The following TACO1 variants were observed in gnomAD, a reference collection of about 807,000 sequenced individuals.
TACO1 encodes the protein translational activator of cytochrome c oxidase I.
A neutral mutation model predicts 24.0 loss-of-function variants in TACO1; 13 were observed. That is an observed-to-expected ratio of 0.54 (90% CI 0.35 to 0.86). The LOEUF (loss-of-function observed/expected upper bound fraction) is 0.86, where lower values mean the gene tolerates loss of function less well. Ranked by LOEUF, TACO1 falls within the 40% of genes least tolerant of loss-of-function variation. TACO1 has a pLI of 0.01. For missense variants in TACO1, 352 were observed against 380.1 expected, an observed-to-expected ratio of 0.93 and a Z score of 0.61; for synonymous variants, 149 against 153.5, an observed-to-expected ratio of 0.97 and a Z score of 0.22.
Position 63,607,856 on chromosome 17 carries a change from G to T in TACO1, c.748G>T (p.Gly250Cys). 6.2e-7 allele frequency: 1 copy of T among 1,614,094 alleles called. No individual in the cohort carries two copies. The highest frequency in any genetic ancestry group is 8.5e-7 in the Non-Finnish European group (1 of 1,180,032). ...HQVRKKLDSL[G>C]LCSVSCALEF... ...AGTGAGGAAGAAGCTGGACTCCCTG[G>T]GCCTGTGTTCTGTGTCCTGTGCACT... The change falls in exon 5 of 5, where the codon GGC becomes TGC. Residue 250 changes from glycine to cysteine, a missense_variant. Physicochemically the swap from Gly to Cys is radical, Grantham distance 159 (BLOSUM62 -3). Transcript: ENST00000258975.
chr17:63,607,330 G>T lies in TACO1; in HGVS notation c.559G>T (p.Gly187Trp), dbSNP rs750709629. 18 of 1,614,080 alleles carry T rather than the reference G, an allele frequency of 1.1e-5. No individual in the cohort carries two copies. The highest frequency in any genetic ancestry group is 2.7e-5 in the African/African-American group (2 of 74,932). ...AGCTCGTCACTCTTTTGACAAAAAG[G>T]GGGTGATTGTGGTTGAAGTGGAGGA... ...VGARHSFDKKGVIVVEVEDRE... is the reference protein window; with the variant it reads ...VGARHSFDKKWVIVVEVEDRE... Residue 187 changes from glycine to tryptophan, a missense_variant, in exon 4 of 5, where the codon GGG becomes TGG. Coordinates refer to ENST00000258975, the MANE Select transcript of TACO1 (RefSeq NM_016360.4).
rs1468443938 is a variant in TACO1, at chr17:63,601,170, G to A, written c.87G>A (p.Pro29=). 6.5e-7 allele frequency: 1 copy of A among 1,546,692 alleles called. No individual in the cohort carries two copies. The highest frequency in any genetic ancestry group is 2.0e-5 in the Admixed American group (1 of 50,950). ...ARGPGVRAAP[P]RDPRPSHPEP... ...GCCCCGGGGTCAGGGCGGCTCCTCC[G>A]CGCGACCCCCGGCCCTCCCACCCCG... Residue 29 remains proline, a synonymous_variant, in exon 1 of 5, where the codon CCG becomes CCA. Coordinates refer to ENST00000258975, the MANE Select transcript of TACO1 (RefSeq NM_016360.4).
intron 1 of TACO1, among the ~76,000 whole-genome samples, chr17:63,603,727 C>A (rs547892125): frequency 1.4e-5 from 2 of 146,994 alleles, no homozygotes; most frequent in African/African-American, 2.6e-5. Context: ...AAAAAAAGGT[C>A]TTTTCTGGCC....
intron 2 of TACO1, 54 bp downstream of exon 2, chr17:63,604,694 T>A: frequency 2.0e-6 from 3 of 1,496,800 alleles, no homozygotes; most frequent in East Asian, 4.5e-5. Context: ...CGGGCTCATG[T>A]CTGGATGGCC....
At position 63,607,827 on chromosome 17, in the gene TACO1, A is replaced by T; in HGVS notation, c.719A>T (p.His240Leu). 1 of 1,614,088 alleles carries T rather than the reference A, an allele frequency of 6.2e-7. No individual in the cohort carries two copies. The highest frequency in any genetic ancestry group is 8.5e-7 in the Non-Finnish European group (1 of 1,180,024). ...TTTATTTGTGATGCCTCTTCACTGCACCAAGTGAGGAAGAAGCTGGACTCC... is the reference window on the plus strand; with the variant it reads ...TTTATTTGTGATGCCTCTTCACTGCTCCAAGTGAGGAAGAAGCTGGACTCC... Reference protein sequence around the residue: ...FKFICDASSLHQVRKKLDSLG... With the variant: ...FKFICDASSLLQVRKKLDSLG... Residue 240 changes from histidine to leucine, a missense_variant, in exon 5 of 5, where the codon CAC (histidine) becomes CTC (leucine). Physicochemically the swap from His to Leu is moderately conservative, Grantham distance 99 (BLOSUM62 -3). Transcript: ENST00000258975.
At chr17:63,604,876 G>A (rs937194265) in intron 2 of TACO1, among the ~76,000 whole-genome samples, 4 of 152,086 alleles carry the variant, frequency 2.6e-5, no homozygotes, top group Non-Finnish European at 5.9e-5. Flanking sequence ...TTAGCTGGGC[G>A]TGGTGGCATA....
chr17:63,606,339 T>G lies in TACO1; in HGVS notation c.414T>G (p.Tyr138Ter). Residue 138 changes from tyrosine (Y) to a stop codon, truncating the protein, a stop_gained, in exon 3 of 5, where the codon TAT (tyrosine) becomes TAG (stop). Transcript: ENST00000258975. LOFTEE classifies it high-confidence loss of function. ...MEKSKDTYLLYEGRGPGGSSL... is the reference protein window; with the variant it reads ...MEKSKDTYLL The stretch of plus-strand genomic sequence containing the variant: ...AATCCAAGGACACTTATTTGCTGTA[T>G]GAGGGTCGAGGCCCTGGTGGCTCTT... 1.2e-6 allele frequency: 2 copies of G among 1,613,940 alleles called. No homozygotes were observed. Among genetic ancestry groups the G allele is most frequent in the Non-Finnish European group, 1.7e-6 (2 of 1,180,048 alleles).
chr17:63,604,443 G>T, intron 1 of TACO1, 91 bp from the exon 2 acceptor site: 1 of 1,095,376 alleles, frequency 9.1e-7, no homozygotes, highest in Non-Finnish European at 1.4e-6. Context: ...CCACTCCTTT[G>T]GCTTGGTGGG....
Position 63,607,936 on chromosome 17 carries a change from C to T in TACO1, c.828C>T (p.Ala276=), listed in dbSNP as rs748925374. ...VQLAEPDLEQ[A]AHLIQALSNH... is the part of the protein sequence containing the mutation. Reference sequence around the variant, plus strand: ...TGGCTGAGCCCGACCTGGAACAGGCCGCACATCTCATTCAGGCTCTCAGCA... The same window carrying T: ...TGGCTGAGCCCGACCTGGAACAGGCTGCACATCTCATTCAGGCTCTCAGCA... The change falls in exon 5 of 5, where the codon GCC becomes GCT. Residue 276 remains alanine, a synonymous_variant. Transcript: ENST00000258975. 6.8e-5 allele frequency: 110 copies of T among 1,614,054 alleles called. No individual in the cohort carries two copies. In the South Asian group the frequency reaches 7.4e-4, roughly 11 times the overall value.
chr17:63,604,118 A>T (rs551557733), intron 1 of TACO1, among the ~76,000 whole-genome samples: 8 of 151,762 alleles, frequency 5.3e-5, no homozygotes, highest in Non-Finnish European at 1.2e-4. Flanking sequence ...TGTGTGGATC[A>T]CCTGAGGTCA....
intron 1 of TACO1, 127 bp downstream of exon 1, chr17:63,601,490 C>G (rs147601388): frequency 1.0e-6 from 1 of 968,600 alleles, no homozygotes. Context: ...TCCCCAGTAC[C>G]CACCATTGCC....
At chr17:63,602,289 A>G (rs1352699350) in intron 1 of TACO1, among the ~76,000 whole-genome samples, 1 of 150,604 alleles carries the variant, frequency 6.6e-6, no homozygotes, top group Non-Finnish European at 1.5e-5. Flanking sequence ...AAAGAGAGAG[A>G]AACTGTGGAC....
rs765355305 is a variant in TACO1, at chr17:63,601,280, T to G, written c.197T>G (p.Val66Gly). 2.5e-6 allele frequency: 4 copies of G among 1,612,746 alleles called. No homozygotes were observed. The highest frequency in any genetic ancestry group is 1.7e-6 in the Non-Finnish European group (2 of 1,179,876). The change falls in exon 1 of 5, where the codon GTC becomes GGC. Residue 66 changes from valine (V) to glycine (G), a missense_variant. Val to Gly is a moderately radical substitution (Grantham distance 109). Coordinates refer to ENST00000258975, the MANE Select transcript of TACO1 (RefSeq NM_016360.4). ...GCCGGGCACAACAAGTGGTCCAAAG[T>G]CAGGCACATCAAGGGTCCGAAGGAC... Reference protein sequence around the residue: ...VPAGHNKWSKVRHIKGPKDVE... With the variant: ...VPAGHNKWSKGRHIKGPKDVE...
rs182287276 is a variant in TACO1, at chr17:63,601,776, A to G, written c.280+413A>G. Among the ~76,000 whole-genome samples, 262 of 152,218 alleles carry G rather than the reference A, an allele frequency of 1.7e-3. 2 individuals are homozygous for G. The highest frequency in any genetic ancestry group is 5.9e-3 in the African/African-American group (247 of 41,526). On this transcript the variant is annotated intron_variant, in intron 1 of 4. Transcript: ENST00000258975. ...TGTGGCAGGGGCACTGAGTAAAGCT[A>G]TTACTTAAGTGCTTAGGCCTTAGCT...
chr17:63,603,422 C>T (rs2033836494), intron 1 of TACO1, among the ~76,000 whole-genome samples: 1 of 151,816 alleles, frequency 6.6e-6, no homozygotes, highest in Admixed American at 6.6e-5. Context: ...TTAGAAAGTT[C>T]TGGCCAGGCA....
intron 4 of TACO1, 38 bp downstream of exon 4, chr17:63,607,502 G>A: frequency 6.2e-7 from 1 of 1,610,532 alleles, no homozygotes; most frequent in African/African-American, 1.3e-5. Context: ...GGGCTTCCGG[G>A]AGGACCCTGA....
chr17:63,601,427 T>A (rs1598043824), intron 1 of TACO1, 64 bp downstream of exon 1: 1 of 1,579,798 alleles, frequency 6.3e-7, no homozygotes, highest in East Asian at 2.3e-5. Flanking sequence ...CAGCCTCGCT[T>A]GCCTCTCGGA....
chr17:63,607,706 C>T (rs189744652), intron 4 of TACO1, 96 bp from the exon 5 acceptor site: 4 of 1,203,168 alleles, frequency 3.3e-6, no homozygotes, highest in Admixed American at 3.5e-5. Flanking sequence ...CCCAGTGATC[C>T]ATTCCAGTAC....
intron 1 of TACO1, among the ~76,000 whole-genome samples, chr17:63,603,870 T>C (rs983197568): frequency 6.7e-6 from 1 of 148,816 alleles, no homozygotes; most frequent in Non-Finnish European, 1.5e-5. Flanking sequence ...ACGAAAAAAA[T>C]TACCTGGGTG....
Sources: gnomAD v4.1 joint callset for allele counts (sites outside exome capture counted in the v4.1 genomes callset) on GRCh38, gnomAD v4.1.1 for gene constraint, MANE v1.5 for transcripts, NCBI Gene and HGNC (gene_info 2026-07-23, HGNC 2026-07-21) for gene names.